Variants in FHOD3 observed in about 807,000 individuals in gnomAD.
FHOD3 encodes formin homology 2 domain containing 3.
Under a neutral mutation model 173.0 loss-of-function variants are expected in FHOD3, and 90 were observed. The ratio of observed to expected loss-of-function variants is 0.52; its 90% CI spans 0.44 to 0.62. The LOEUF is 0.62. Among genes scored for constraint, FHOD3 ranks in the 20% least tolerant of loss-of-function variants. The pLI, the probability that FHOD3 is intolerant of heterozygous loss-of-function variation, is 0.00. For missense variants in FHOD3, 1,945 were observed against 2,034.7 expected (o/e 0.96, Z 0.85); for synonymous variants, 828 against 823.0 (o/e 1.01, Z -0.10).
intron 3 of FHOD3, among the ~76,000 whole-genome samples, chr18:36,390,560 A>G (rs1200519357): frequency 6.6e-6 from 1 of 152,066 alleles, no homozygotes; most frequent in African/African-American, 2.4e-5. Context: ...CACATTCTGT[A>G]CCTGGATTTT....
At chr18:36,440,362 T>C (rs2051064719) in intron 3 of FHOD3, among the ~76,000 whole-genome samples, 1 of 152,236 alleles carries the variant, frequency 6.6e-6, no homozygotes, top group South Asian at 2.1e-4. Context: ...CTTCTCTTCC[T>C]GACAGAGGAT....
chr18:36,427,951 T>G (rs2147192796), intron 3 of FHOD3, among the ~76,000 whole-genome samples: 1 of 152,304 alleles, frequency 6.6e-6, no homozygotes, highest in Admixed American at 6.5e-5. Context: ...ACAAAATAGG[T>G]TTTGAACAAG....
intron 3 of FHOD3, among the ~76,000 whole-genome samples, chr18:36,497,769 C>T (rs2054823097): frequency 1.3e-5 from 2 of 152,198 alleles, no homozygotes; most frequent in Admixed American, 1.3e-4. Flanking sequence ...GAGACTTCAA[C>T]TCTCCTTTCA....
At chr18:36,733,487 C>G (rs1392778147) in intron 20 of FHOD3, among the ~76,000 whole-genome samples, 1 of 152,192 alleles carries the variant, frequency 6.6e-6, no homozygotes, top group Non-Finnish European at 1.5e-5. Context: ...AAATATTTCT[C>G]CTCCTTGTCA....
At chr18:36,508,716 C>T (rs2055449084) in intron 4 of FHOD3, among the ~76,000 whole-genome samples, 1 of 150,930 alleles carries the variant, frequency 6.6e-6, no homozygotes, top group African/African-American at 2.4e-5. Context: ...AATTAAGTTT[C>T]AGTATCTCAC....
chr18:36,562,637 C>T (rs141554271), intron 5 of FHOD3, among the ~76,000 whole-genome samples: 9 of 152,274 alleles, frequency 5.9e-5, no homozygotes, highest in African/African-American at 1.4e-4. Flanking sequence ...GAGAGCAGGA[C>T]GTGGAATCTT....
At chr18:36,772,927 A>G (rs2043453630) in intron 28 of FHOD3, among the ~76,000 whole-genome samples, 1 of 152,236 alleles carries the variant, frequency 6.6e-6, no homozygotes, top group Admixed American at 6.5e-5. Flanking sequence ...CTGTAAAGAC[A>G]GCGGAGGGTA....
intron 5 of FHOD3, among the ~76,000 whole-genome samples, chr18:36,552,990 C>T (rs1156796356): frequency 2.6e-5 from 4 of 151,742 alleles, no homozygotes; most frequent in Non-Finnish European, 4.4e-5. Context: ...TGAGATATGT[C>T]CCATCAATAC....
intron 18 of FHOD3, among the ~76,000 whole-genome samples, chr18:36,712,183 T>C (rs2040205267): frequency 6.6e-6 from 1 of 152,176 alleles, no homozygotes; most frequent in Admixed American, 6.5e-5. Context: ...CAAAGTCTAA[T>C]AAAGCATAAA....
chr18:36,377,132 C>T lies in FHOD3; in HGVS notation c.337+4388C>T, dbSNP rs916369526. ...ATAGGGGTCCCTGGGCTTCTGTATTCGAAGGGTGGGGAATGGCACTGTAAT... is the reference window on the plus strand; with the variant it reads ...ATAGGGGTCCCTGGGCTTCTGTATTTGAAGGGTGGGGAATGGCACTGTAAT... On this transcript the variant is annotated intron_variant, in intron 3 of 28. Transcript: ENST00000590592. 4.6e-5 allele frequency among the ~76,000 whole-genome samples: 7 copies of T among 152,146 alleles called. No individual in the cohort carries two copies. In the South Asian group the frequency reaches 6.2e-4, roughly 14 times the overall value.
At chr18:36,577,098 A>C (rs1377824858) in intron 6 of FHOD3, among the ~76,000 whole-genome samples, 1 of 152,108 alleles carries the variant, frequency 6.6e-6, no homozygotes, top group Non-Finnish European at 1.5e-5. Context: ...GTCTCAAAAA[A>C]AAAAAAAAGT....
intron 3 of FHOD3, among the ~76,000 whole-genome samples, chr18:36,452,832 G>T (rs1050342054): frequency 6.6e-6 from 1 of 151,962 alleles, no homozygotes; most frequent in Non-Finnish European, 1.5e-5. Flanking sequence ...ATATATGTGT[G>T]TGTATGTATA....
chr18:36,680,551 T>C (rs1367934138), intron 14 of FHOD3, among the ~76,000 whole-genome samples: 3 of 152,242 alleles, frequency 2.0e-5, no homozygotes, highest in African/African-American at 7.2e-5. Flanking sequence ...TCCTTATATG[T>C]CATACGGTTA....
At chr18:36,509,601 T>C (rs548020195) in intron 4 of FHOD3, among the ~76,000 whole-genome samples, 2 of 152,274 alleles carry the variant, frequency 1.3e-5, no homozygotes, top group South Asian at 2.1e-4. Flanking sequence ...TTAAATGATG[T>C]GATGTATGGG....
At chr18:36,630,808 T>C (rs2034459210) in intron 10 of FHOD3, among the ~76,000 whole-genome samples, 1 of 152,204 alleles carries the variant, frequency 6.6e-6, no homozygotes. Context: ...AATTGCTAAT[T>C]TTTTTCCATG....
At chr18:36,349,238 C>CAG (rs1162491853) in intron 1 of FHOD3, among the ~76,000 whole-genome samples, 1 of 152,198 alleles carries the variant, frequency 6.6e-6, no homozygotes, top group Non-Finnish European at 1.5e-5. Context: ...CCAACATCTT[C>CAG]AGATAGAGGC....
At chr18:36,448,950 C>T (rs749707878) in intron 3 of FHOD3, among the ~76,000 whole-genome samples, 1 of 151,704 alleles carries the variant, frequency 6.6e-6, no homozygotes, top group Non-Finnish European at 1.5e-5. Flanking sequence ...GTTACCCTTT[C>T]CTCCCCCTCC....
chr18:36,512,531 T>G lies in FHOD3; in HGVS notation c.499T>G (p.Tyr167Asp). 6.2e-7 allele frequency: 1 copy of G among 1,613,448 alleles called. No homozygotes were observed. Among genetic ancestry groups the G allele is most frequent in the Non-Finnish European group, 8.5e-7 (1 of 1,179,496 alleles). Reference protein sequence around the residue: ...GAEADQNYQNYILRALGQIML... With the variant: ...GAEADQNYQNDILRALGQIML... ...TGAGGCTGATCAGAACTATCAGAACTACATCTTAAGGGGTAAGTCATGACT... is the reference window on the plus strand; with the variant it reads ...TGAGGCTGATCAGAACTATCAGAACGACATCTTAAGGGGTAAGTCATGACT... The change falls in exon 5 of 29, where the codon TAC (tyrosine) becomes GAC (aspartate). Residue 167 changes from tyrosine (Y) to aspartate (D), a missense_variant. Tyr to Asp is a radical substitution (Grantham distance 160). This residue lies in a region of FHOD3 where 245 missense variants were observed against 267.7 expected (regional missense o/e 0.92). Transcript: ENST00000590592.
At chr18:36,418,458 GAATT>G (rs1440600485) in intron 3 of FHOD3, among the ~76,000 whole-genome samples, 1 of 152,182 alleles carries the variant, frequency 6.6e-6, no homozygotes, top group African/African-American at 2.4e-5. Flanking sequence ...TTGTATTTAA[GAATT>G]AGATTGTTTA....
Sources: gnomAD v4.1 joint callset for allele counts (sites outside exome capture counted in the v4.1 genomes callset) on GRCh38, gnomAD v4.1.1 for gene constraint, gnomAD v4.1.1 regional missense constraint, MANE v1.5 for transcripts, NCBI Gene and HGNC (gene_info 2026-07-23, HGNC 2026-07-21) for gene names.